Variants in TSHZ2 observed in about 807,000 individuals in gnomAD.
The protein encoded by TSHZ2 is teashirt zinc finger homeobox 2, also known as teashirt homolog 2.
TSHZ2 carries 21 observed loss-of-function variants against 74.4 expected under a neutral mutation model. The ratio of observed to expected loss-of-function variants is 0.28; its 90% CI spans 0.20 to 0.41. The LOEUF is 0.41. TSHZ2 is among the 10% of genes least tolerant of loss of function. TSHZ2 has a pLI of 1.00. For missense variants in TSHZ2, 1,244 were observed against 1,293.5 expected, an observed-to-expected ratio of 0.96 and a Z score of 0.59; for synonymous variants, 540 against 515.3, an observed-to-expected ratio of 1.05 and a Z score of -0.65.
intron 1 of TSHZ2, among the ~76,000 whole-genome samples, chr20:53,223,916 C>T (rs1163467904): frequency 2.0e-5 from 3 of 151,838 alleles, no homozygotes; most frequent in African/African-American, 7.3e-5. Flanking sequence ...CACACACACA[C>T]ACACACACAC....
intron 1 of TSHZ2, among the ~76,000 whole-genome samples, chr20:53,238,168 G>T (rs903514108): frequency 2.0e-5 from 3 of 152,154 alleles, no homozygotes; most frequent in Non-Finnish European, 4.4e-5. Flanking sequence ...ACTCAAACAT[G>T]CCAAGAAACC....
chr20:53,101,498 T>C (rs1986216780), intron 1 of TSHZ2, among the ~76,000 whole-genome samples: 1 of 152,254 alleles, frequency 6.6e-6, no homozygotes, highest in African/African-American at 2.4e-5. Flanking sequence ...AAAATGTCTG[T>C]ATTCTTAAGT....
intron 2 of TSHZ2, among the ~76,000 whole-genome samples, chr20:53,292,558 C>T (rs1568855285): frequency 6.6e-6 from 1 of 152,004 alleles, no homozygotes; most frequent in Non-Finnish European, 1.5e-5. Context: ...AACCATCCTC[C>T]TGCCTCAGTC....
intron 1 of TSHZ2, among the ~76,000 whole-genome samples, chr20:53,138,855 T>C (rs1987318574): frequency 6.6e-6 from 1 of 152,238 alleles, no homozygotes; most frequent in Non-Finnish European, 1.5e-5. Context: ...TCTGTCTCTA[T>C]TGACCAGCGG....
At chr20:53,061,142 A>C (rs911955266) in intron 1 of TSHZ2, among the ~76,000 whole-genome samples, 1 of 152,248 alleles carries the variant, frequency 6.6e-6, no homozygotes, top group African/African-American at 2.4e-5. Flanking sequence ...TGAATGACTG[A>C]ATGCAACCCT....
At chr20:53,395,165 TG>T in intron 2 of TSHZ2, among the ~76,000 whole-genome samples, 1 of 152,326 alleles carries the variant, frequency 6.6e-6, no homozygotes, top group Non-Finnish European at 1.5e-5. Flanking sequence ...AAATAATGTC[TG>T]AGAAAGCACT....
chr20:53,020,127 C>A (rs1370359374), intron 1 of TSHZ2, among the ~76,000 whole-genome samples: 2 of 152,152 alleles, frequency 1.3e-5, no homozygotes, highest in Admixed American at 6.5e-5. Context: ...GGGGAAACCA[C>A]CCCCATAATC....
intron 1 of TSHZ2, among the ~76,000 whole-genome samples, chr20:53,050,103 G>GTATGTA (rs1422702818): frequency 8.6e-6 from 1 of 116,068 alleles, no homozygotes; most frequent in African/African-American, 3.9e-5. Flanking sequence ...GTATATGTGT[G>GTATGTA]TATATATATA....
At chr20:53,364,841 A>G (rs772687482) in intron 2 of TSHZ2, among the ~76,000 whole-genome samples, 13 of 152,188 alleles carry the variant, frequency 8.5e-5, no homozygotes, top group Admixed American at 3.9e-4. Context: ...CCAAGCCACT[A>G]TTTGGGCAGA....
chr20:53,162,512 C>T (rs942579705), intron 1 of TSHZ2, among the ~76,000 whole-genome samples: 2 of 152,100 alleles, frequency 1.3e-5, no homozygotes, highest in Admixed American at 6.5e-5. Flanking sequence ...ACTAGGGGAT[C>T]GGTCGATGGG....
At chr20:53,285,993 T>A (rs577718455) in intron 2 of TSHZ2, among the ~76,000 whole-genome samples, 22 of 152,310 alleles carry the variant, frequency 1.4e-4, no homozygotes, top group African/African-American at 2.6e-4. Context: ...GGTTTTTTTT[T>A]AAATTGCTAC....
At chr20:53,223,676 A>C (rs575126800) in intron 1 of TSHZ2, among the ~76,000 whole-genome samples, 3 of 152,236 alleles carry the variant, frequency 2.0e-5, no homozygotes, top group African/African-American at 7.2e-5. Flanking sequence ...GATTACAGAC[A>C]TGAGCCACTG....
At chr20:53,421,689 T>G (rs1318878934) in intron 2 of TSHZ2, 5 of 139,976 alleles carry the variant, frequency 3.6e-5, no homozygotes, top group Admixed American at 7.2e-5. Flanking sequence ...TGGTTTTTTT[T>G]TTTTTTTTTT....
chr20:53,369,445 G>A (rs1023683744), intron 2 of TSHZ2, among the ~76,000 whole-genome samples: 14 of 151,996 alleles, frequency 9.2e-5, no homozygotes, highest in Admixed American at 5.2e-4. Flanking sequence ...TGTGGCTCCC[G>A]CCTGTAATCT....
intron 1 of TSHZ2, among the ~76,000 whole-genome samples, chr20:53,043,892 A>T (rs907214015): frequency 3.3e-5 from 5 of 152,194 alleles, no homozygotes; most frequent in Non-Finnish European, 5.9e-5. Context: ...AAATTGCTTA[A>T]TCTCAAACAT....
intron 2 of TSHZ2, among the ~76,000 whole-genome samples, chr20:53,320,673 C>T (rs1568866748): frequency 6.6e-6 from 1 of 152,186 alleles, no homozygotes; most frequent in Non-Finnish European, 1.5e-5. Flanking sequence ...GTTAAAAACA[C>T]ATCAGCACAA....
chr20:53,343,256 C>T (rs1347484475), intron 2 of TSHZ2, among the ~76,000 whole-genome samples: 4 of 152,050 alleles, frequency 2.6e-5, no homozygotes, highest in East Asian at 1.9e-4. Context: ...CGTGAGCCAC[C>T]GCACCGGGCC....
chr20:53,457,243 G>A lies in TSHZ2; in HGVS notation c.*9-29901G>A, dbSNP rs1168545449. 1.4e-5 allele frequency among the ~76,000 whole-genome samples: 2 copies of A among 145,768 alleles called. 1 individual carries two copies. The highest frequency in any genetic ancestry group is 3.0e-5 in the Non-Finnish European group (2 of 67,124). ...TCCTCTTTTATTTCTTTGAGCAGCA[G>A]TTTGTAGTTCTCCTTGAAGAGGTCC... On this transcript the variant is annotated intron_variant, in intron 2 of 2. Coordinates refer to ENST00000371497, the MANE Select transcript of TSHZ2 (RefSeq NM_173485.6).
intron 1 of TSHZ2, among the ~76,000 whole-genome samples, chr20:53,106,786 C>T (rs972653660): frequency 6.6e-6 from 1 of 151,040 alleles, no homozygotes; most frequent in Non-Finnish European, 1.5e-5. Flanking sequence ...CAACCTCCAC[C>T]TCCCAGGTTC....
Sources: allele counts gnomAD v4.1 joint callset (sites outside exome capture counted in the v4.1 genomes callset), GRCh38; gene constraint gnomAD v4.1.1; transcripts MANE v1.5; gene names NCBI Gene and HGNC (gene_info 2026-07-23, HGNC 2026-07-21).